Variants in POP4 observed in about 807,000 individuals in gnomAD.
The protein encoded by POP4 is POP4 ribonuclease P/MRP subunit, also known as ribonuclease P protein subunit p29.
A neutral mutation model predicts 29.9 loss-of-function variants in POP4; 31 were observed. The ratio of observed to expected loss-of-function variants is 1.04; its 90% CI spans 0.78 to 1.40. The LOEUF is 1.40. Ranked by LOEUF, POP4 falls within the 40% of genes most tolerant of loss-of-function variation. POP4 has a pLI of 0.00. For synonymous variants in POP4, 110 were observed against 108.2 expected (o/e 1.02, Z -0.10); for missense variants, 286 against 282.7 (o/e 1.01, Z -0.08).
At chr19:29,615,206 A>C (rs748612784) in intron 6 of POP4, 38 bp from the exon 7 acceptor site, 2 of 1,501,916 alleles carry the variant, frequency 1.3e-6, no homozygotes, top group Admixed American at 4.8e-5. Flanking sequence ...ATTTTTCCTC[A>C]TCTTTTTTTC....
chr19:29,613,930 A>C lies in POP4; in HGVS notation c.484A>C (p.Lys162Gln), dbSNP rs891562743. The C allele has an allele frequency of 6.2e-7, 1 of 1,613,744 alleles. No individual in the cohort carries two copies. The highest frequency in any genetic ancestry group is 1.3e-5 in the African/African-American group (1 of 74,886). The change falls in exon 6 of 7, where the codon AAG (lysine) becomes CAG (glutamine). Residue 162 changes from lysine to glutamine, a missense_variant. Transcript: ENST00000585603. The part of the protein sequence containing the change: ...GITGILLQET[K>Q]HIFKIITKED... ...TACAGGAATCCTTCTACAGGAAACAAAGCACATTTTCAAAATTATCACCAA... is the reference window on the plus strand; with the variant it reads ...TACAGGAATCCTTCTACAGGAAACACAGCACATTTTCAAAATTATCACCAA...
rs1377093512 is a variant in POP4, at chr19:29,613,973, G to A, written c.526+1G>A. On this transcript the variant is annotated splice_donor_variant, in intron 6 of 6. Coordinates refer to ENST00000585603, the MANE Select transcript of POP4 (RefSeq NM_006627.3). LOFTEE classifies it high-confidence loss of function. ...ATCACCAAAGAAGACCGCCTGAAAG[G>A]TATGTAGGTGTTTCTGAGGGCATTG... is the stretch of plus-strand genomic sequence containing the variant. 2 of 1,609,750 alleles carry A rather than the reference G, an allele frequency of 1.2e-6. No homozygotes were observed. Among genetic ancestry groups the A allele is most frequent in the East Asian group, 2.2e-5 (1 of 44,858 alleles).
chr19:29,610,740 G>GC, intron 3 of POP4, 108 bp downstream of exon 3: 1 of 1,130,844 alleles, frequency 8.8e-7, no homozygotes, highest in Non-Finnish European at 1.3e-6. Flanking sequence ...AGCTAAGGGG[G>GC]CCTCTCTGTC....
chr19:29,613,767 G>T (rs1971098841), intron 5 of POP4, 104 bp from the exon 6 acceptor site: 5 of 1,495,240 alleles, frequency 3.3e-6, no homozygotes, highest in Non-Finnish European at 4.4e-6. Flanking sequence ...TCATCTGCTA[G>T]CTCAGAGGGT....
At chr19:29,614,769 G>A (rs1315550400) in intron 6 of POP4, among the ~76,000 whole-genome samples, 2 of 152,206 alleles carry the variant, frequency 1.3e-5, no homozygotes, top group Admixed American at 6.5e-5. Flanking sequence ...CTCCTAAAGT[G>A]CTGGGATTAT....
chr19:29,608,071 G>T (rs1275198214), intron 1 of POP4, among the ~76,000 whole-genome samples: 1 of 152,040 alleles, frequency 6.6e-6, no homozygotes, highest in Non-Finnish European at 1.5e-5. Flanking sequence ...TTTTACACAC[G>T]TTAAATTTTG....
Position 29,615,702 on chromosome 19 carries a change from C to A in POP4, c.*322C>A. On this transcript the variant is annotated 3_prime_UTR_variant, in exon 7 of 7. Coordinates refer to ENST00000585603, the MANE Select transcript of POP4 (RefSeq NM_006627.3). ...TATTCGATTTTTAAAAATACTTTTC[C>A]ATGTTTTCTGAGTGCTCTATGATAA... The A allele has an allele frequency of 4.5e-6, 1 of 222,902 alleles. No homozygotes were observed. Among genetic ancestry groups the A allele is most frequent in the East Asian group, 9.2e-5 (1 of 10,822 alleles). 13.8% of individuals were successfully genotyped at this position (222,902 alleles called of 1,614,324 possible). A position where few individuals can be genotyped will look rare whatever the true frequency, so the allele number is the denominator to read the frequency against.
In POP4 at chr19:29,610,512, C is replaced by T. The variant is rs759679720; in HGVS notation, c.164C>T (p.Ala55Val). The T allele has an allele frequency of 6.8e-6, 11 of 1,611,432 alleles. No homozygotes were observed. Among genetic ancestry groups the T allele is most frequent in the African/African-American group, 2.7e-5 (2 of 74,694 alleles). Residue 55 changes from alanine (A) to valine (V), a missense_variant, in exon 3 of 7, where the codon GCG becomes GTG. Coordinates refer to ENST00000585603, the MANE Select transcript of POP4 (RefSeq NM_006627.3). The part of the protein sequence containing the change: ...QAREDQLQRK[A>V]VVLEYFTRHK... ...CGCGAGGACCAGCTGCAGCGCAAGG[C>T]GGTGGTCCTGGAGTACTTCACCCGC... is the stretch of plus-strand genomic sequence containing the variant.
intron 6 of POP4, among the ~76,000 whole-genome samples, chr19:29,614,920 T>G (rs891071760): frequency 6.6e-6 from 1 of 152,218 alleles, no homozygotes; most frequent in African/African-American, 2.4e-5. Context: ...CCACAGAGCA[T>G]AAGGCCAGGA....
chr19:29,611,713 AG>A, intron 3 of POP4, 148 bp from the exon 4 acceptor site: 1 of 658,684 alleles, frequency 1.5e-6, no homozygotes, highest in Non-Finnish European at 2.7e-6. Flanking sequence ...CTCGGTTATC[AG>A]CTCAATTGCT....
rs373158454 is a variant in POP4, at chr19:29,608,736, G to A, written c.60+27G>A. The A allele has an allele frequency of 7.5e-6, 12 of 1,608,610 alleles. No homozygotes were observed. The African/African-American group carries it at 1.1e-4, about 14-fold the overall frequency. On this transcript the variant is annotated intron_variant, in intron 2 of 6. Transcript: ENST00000585603. The stretch of plus-strand genomic sequence containing the variant: ...TCAGTTCTTGGCAGGGAGTCCAGGA[G>A]CAACAGAGGTGATGGCAAAGATGGC...
Position 29,613,977 on chromosome 19 carries a change from G to C in POP4, c.526+5G>C. 2 of 1,609,792 alleles carry C rather than the reference G, an allele frequency of 1.2e-6. No individual in the cohort carries two copies. The highest frequency in any genetic ancestry group is 1.7e-6 in the Non-Finnish European group (2 of 1,178,620). Reference sequence around the variant, plus strand: ...CCAAAGAAGACCGCCTGAAAGGTATGTAGGTGTTTCTGAGGGCATTGCTTG... The same window carrying C: ...CCAAAGAAGACCGCCTGAAAGGTATCTAGGTGTTTCTGAGGGCATTGCTTG... On this transcript the variant is annotated splice_donor_5th_base_variant and intron_variant, in intron 6 of 6. Coordinates refer to ENST00000585603, the MANE Select transcript of POP4 (RefSeq NM_006627.3).
chr19:29,610,444 G>T lies in POP4; in HGVS notation c.96G>T (p.Arg32Ser). ...CACAGCGGGCCGAGGCCTTCGTGAG[G>T]GCCTTCCTGAAGCGCAGCACGCCCC... ...SGAQRAEAFVRAFLKRSTPRM... is the reference protein window; with the variant it reads ...SGAQRAEAFVSAFLKRSTPRM... Residue 32 changes from arginine to serine, a missense_variant, in exon 3 of 7, where the codon AGG becomes AGT. Coordinates refer to ENST00000585603, the MANE Select transcript of POP4 (RefSeq NM_006627.3). 1 of 1,587,420 alleles carries T rather than the reference G, an allele frequency of 6.3e-7. No individual in the cohort carries two copies. Among genetic ancestry groups the T allele is most frequent in the Non-Finnish European group, 8.6e-7 (1 of 1,167,028 alleles).
At position 29,615,525 on chromosome 19, in the gene POP4, C is replaced by A. The variant is rs1971120478; in HGVS notation, c.*145C>A. ...GACGCTCCGAGTTGAGGATGTTGAA[C>A]AACATGGGAAGGTCGCAGCGTACTA... On this transcript the variant is annotated 3_prime_UTR_variant, in exon 7 of 7. Transcript: ENST00000585603. 4 of 833,950 alleles carry A rather than the reference C, an allele frequency of 4.8e-6. No homozygotes were observed. Among genetic ancestry groups the A allele is most frequent in the Non-Finnish European group, 5.4e-6 (3 of 555,670 alleles). 51.7% of individuals were successfully genotyped at this position (833,950 alleles called of 1,614,324 possible). A position where few individuals can be genotyped will look rare whatever the true frequency, so the allele number is the denominator to read the frequency against.
chr19:29,610,363 G>A (rs772751258), intron 2 of POP4, 46 bp from the exon 3 acceptor site: 1 of 1,496,178 alleles, frequency 6.7e-7, no homozygotes, highest in East Asian at 2.5e-5. Flanking sequence ...ATCCTGGGCT[G>A]CCCAGACCGG....
chr19:29,612,125 A>C lies in POP4; in HGVS notation c.371A>C (p.Gln124Pro), dbSNP rs766261948. The stretch of plus-strand genomic sequence containing the variant: ...TTCTGTTTACCCTGCAGGCAGCCAC[A>C]GATGATTCAGGCCAAGCTCTTAAAG... ...CSGLKPDTQP[Q>P]MIQAKLLKAD... Residue 124 changes from glutamine (Q) to proline (P), a missense_variant, in exon 5 of 7, where the codon CAG becomes CCG. By Grantham distance (76) the Gln-to-Pro change is moderately conservative (BLOSUM62 -1). Transcript: ENST00000585603. 5 of 1,608,600 alleles carry C rather than the reference A, an allele frequency of 3.1e-6. No individual in the cohort carries two copies. The Middle Eastern group carries it at 6.7e-4, about 214-fold the overall frequency.
At position 29,615,324 on chromosome 19, in the gene POP4, C is replaced by T. The variant is rs1262696040; in HGVS notation, c.607C>T (p.Arg203Trp). The T allele has an allele frequency of 6.2e-6, 10 of 1,611,316 alleles. No individual in the cohort carries two copies. The highest frequency in any genetic ancestry group is 5.0e-5 in the Admixed American group (3 of 59,620). Reference sequence around the variant, plus strand: ...CATTTACGGGAGCAAATTCCAGCTTCGGTCAAGTGAACGGTCTGCGAAGAA... The same window carrying T: ...CATTTACGGGAGCAAATTCCAGCTTTGGTCAAGTGAACGGTCTGCGAAGAA... ...SYIYGSKFQL[R>W]SSERSAKKFK... Residue 203 changes from arginine to tryptophan, a missense_variant, in exon 7 of 7, where the codon CGG becomes TGG. Physicochemically the swap from Arg to Trp is moderately radical, Grantham distance 101. Coordinates refer to ENST00000585603, the MANE Select transcript of POP4 (RefSeq NM_006627.3).
intron 1 of POP4, among the ~76,000 whole-genome samples, chr19:29,606,833 A>G (rs908470659): frequency 6.6e-6 from 1 of 152,050 alleles, no homozygotes; most frequent in Non-Finnish European, 1.5e-5. Context: ...GCCACTTTCT[A>G]CCTATATGAT....
At chr19:29,608,151 G>T (rs1481838219) in intron 1 of POP4, among the ~76,000 whole-genome samples, 1 of 152,080 alleles carries the variant, frequency 6.6e-6, no homozygotes, top group African/African-American at 2.4e-5. Context: ...GGGATAAGAG[G>T]CATCCAAGAA....
Sources: gnomAD v4.1 joint callset for allele counts (sites outside exome capture counted in the v4.1 genomes callset) on GRCh38, gnomAD v4.1.1 for gene constraint, MANE v1.5 for transcripts, NCBI Gene and HGNC (gene_info 2026-07-23, HGNC 2026-07-21) for gene names.